Variants in SLC9A9 observed in about 807,000 individuals in gnomAD.
The protein encoded by SLC9A9 is solute carrier family 9 member A9.
In SLC9A9, 62 loss-of-function variants were observed where a neutral mutation model predicts 77.8. The ratio of observed to expected loss-of-function variants is 0.80; its 90% CI spans 0.65 to 0.98. The LOEUF is 0.98. Ranked by LOEUF, SLC9A9 falls within the 50% of genes least tolerant of loss-of-function variation. SLC9A9 has a pLI of 0.00. For synonymous variants in SLC9A9, 320 were observed against 283.5 expected (o/e 1.13, Z -1.29); for missense variants, 775 against 774.9 (o/e 1.00, Z 0.00).
intron 6 of SLC9A9, among the ~76,000 whole-genome samples, chr3:143,652,025 A>G (rs1180776919): frequency 1.3e-5 from 2 of 152,200 alleles, no homozygotes; most frequent in Admixed American, 6.5e-5. Context: ...ACTGAGAAAA[A>G]TAAGTTACCC....
At chr3:143,652,212 T>C (rs1576634948) in intron 6 of SLC9A9, 43 bp downstream of exon 6, 3 of 1,459,286 alleles carry the variant, frequency 2.1e-6, no homozygotes. Context: ...TGAAAGCATA[T>C]TTCACATGAT....
chr3:143,696,644 G>A (rs1933650231), intron 4 of SLC9A9, among the ~76,000 whole-genome samples: 1 of 152,114 alleles, frequency 6.6e-6, no homozygotes, highest in East Asian at 1.9e-4. Flanking sequence ...ATATCAATTG[G>A]TTCTGGAATC....
intron 12 of SLC9A9, among the ~76,000 whole-genome samples, chr3:143,433,780 C>A (rs571080825): frequency 1.3e-5 from 2 of 152,348 alleles, no homozygotes; most frequent in African/African-American, 4.8e-5. Flanking sequence ...GCAGCAGAAT[C>A]TTTCAGAAAG....
chr3:143,398,559 A>G (rs137911271), intron 12 of SLC9A9, among the ~76,000 whole-genome samples: 109 of 152,288 alleles, frequency 7.2e-4, no homozygotes, highest in African/African-American at 2.5e-3. Flanking sequence ...AACACCATGT[A>G]TTTTAGTAAT....
intron 12 of SLC9A9, among the ~76,000 whole-genome samples, chr3:143,404,430 C>T (rs1399654827): frequency 6.6e-6 from 1 of 152,134 alleles, no homozygotes; most frequent in Non-Finnish European, 1.5e-5. Flanking sequence ...CCTCAGCCTC[C>T]CATTTGATAA....
chr3:143,522,789 T>C (rs1436505444), intron 9 of SLC9A9, among the ~76,000 whole-genome samples: 4 of 152,070 alleles, frequency 2.6e-5, no homozygotes, highest in Non-Finnish European at 4.4e-5. Flanking sequence ...GCCGTTATAA[T>C]CAGTACACTA....
chr3:143,652,985 G>A (rs1331322954), intron 5 of SLC9A9, among the ~76,000 whole-genome samples: 1 of 152,142 alleles, frequency 6.6e-6, no homozygotes, highest in Non-Finnish European at 1.5e-5. Context: ...TGGAAATGGG[G>A]TTCATCTTTG....
chr3:143,289,079 G>C (rs1440835613), intron 14 of SLC9A9, among the ~76,000 whole-genome samples: 1 of 152,188 alleles, frequency 6.6e-6, no homozygotes, highest in Non-Finnish European at 1.5e-5. Flanking sequence ...TTAGCCTGAG[G>C]CAGGACTGAG....
At chr3:143,833,907 C>T (rs1405285302) in intron 1 of SLC9A9, among the ~76,000 whole-genome samples, 1 of 152,146 alleles carries the variant, frequency 6.6e-6, no homozygotes, top group East Asian at 1.9e-4. Context: ...CAGAGAGAGA[C>T]TCTAGACCTA....
chr3:143,513,132 C>T (rs79310493), intron 9 of SLC9A9, among the ~76,000 whole-genome samples: 3,084 of 152,224 alleles, frequency 0.02, 99 homozygotes, highest in African/African-American at 0.069. Context: ...TCTCCTTTTA[C>T]AAAAGATTTT....
At chr3:143,780,101 C>T (rs969175597) in intron 4 of SLC9A9, among the ~76,000 whole-genome samples, 2 of 152,134 alleles carry the variant, frequency 1.3e-5, no homozygotes, top group Non-Finnish European at 2.9e-5. Flanking sequence ...AGAATAGATA[C>T]CTTTTTGCTG....
chr3:143,303,064 G>A (rs1047227824), intron 14 of SLC9A9, among the ~76,000 whole-genome samples: 6 of 152,150 alleles, frequency 3.9e-5, no homozygotes, highest in East Asian at 1.9e-4. Context: ...TTTCCCTTCC[G>A]GACTTCCAGT....
At chr3:143,424,799 C>T (rs1468973378) in intron 12 of SLC9A9, among the ~76,000 whole-genome samples, 6 of 152,174 alleles carry the variant, frequency 3.9e-5, no homozygotes, top group Non-Finnish European at 5.9e-5. Flanking sequence ...AACACAGGTG[C>T]TGGGTTTTAA....
intron 4 of SLC9A9, among the ~76,000 whole-genome samples, chr3:143,771,702 G>T (rs928561495): frequency 2.6e-5 from 4 of 152,194 alleles, no homozygotes; most frequent in Admixed American, 2.0e-4. Context: ...AATAAGACAT[G>T]ATTTCCTCCG....
intron 9 of SLC9A9, among the ~76,000 whole-genome samples, chr3:143,544,907 C>G (rs112939675): frequency 0.034 from 5,250 of 152,226 alleles, 129 homozygotes; most frequent in South Asian, 0.091. Context: ...TCTCCCAGCA[C>G]CATTTATTGA....
intron 4 of SLC9A9, among the ~76,000 whole-genome samples, chr3:143,728,583 C>T (rs186550637): frequency 1.2e-4 from 19 of 152,138 alleles, no homozygotes; most frequent in African/African-American, 4.6e-4. Flanking sequence ...GAATTTCAAG[C>T]AGCATGGGAA....
intron 4 of SLC9A9, among the ~76,000 whole-genome samples, chr3:143,766,622 A>G (rs1358491930): frequency 6.6e-6 from 1 of 152,078 alleles, no homozygotes; most frequent in Non-Finnish European, 1.5e-5. Context: ...CAGACTGGAG[A>G]GCAGTGGCCT....
At chr3:143,435,618 A>G (rs1439061721) in intron 12 of SLC9A9, among the ~76,000 whole-genome samples, 4 of 152,200 alleles carry the variant, frequency 2.6e-5, no homozygotes, top group African/African-American at 9.7e-5. Context: ...CTGACACGTT[A>G]GACTTTCACT....
chr3:143,385,064 T>A (rs1477284309), intron 12 of SLC9A9, among the ~76,000 whole-genome samples: 3 of 152,208 alleles, frequency 2.0e-5, no homozygotes, highest in Non-Finnish European at 4.4e-5. Flanking sequence ...CCATAAAGTC[T>A]GACACTTGCT....
Sources: gnomAD v4.1 joint callset for allele counts (sites outside exome capture counted in the v4.1 genomes callset) on GRCh38, gnomAD v4.1.1 for gene constraint, MANE v1.5 for transcripts, NCBI Gene and HGNC (gene_info 2026-07-23, HGNC 2026-07-21) for gene names.